The following GPM6A variants were observed in gnomAD, a reference collection of about 807,000 sequenced individuals.
The protein encoded by GPM6A is glycoprotein M6A.
A neutral mutation model predicts 32.1 loss-of-function variants in GPM6A; 7 were observed. The ratio of observed to expected loss-of-function variants is 0.22; its 90% CI spans 0.12 to 0.41. GPM6A has a LOEUF of 0.41. Among genes scored for constraint, GPM6A ranks in the 10% least tolerant of loss-of-function variants. The pLI is 1.00. For synonymous variants in GPM6A, 130 were observed against 123.4 expected (o/e 1.05, Z -0.35); for missense variants, 235 against 347.2 (o/e 0.68, Z 2.57).
chr4:175,932,347 G>T (rs1476769057), intron 1 of GPM6A, among the ~76,000 whole-genome samples: 1 of 152,072 alleles, frequency 6.6e-6, no homozygotes, highest in Non-Finnish European at 1.5e-5. Context: ...CTTCTGCCAG[G>T]CGAGGACTCA....
chr4:175,666,482 TC>T (rs1742760432), intron 3 of GPM6A, among the ~76,000 whole-genome samples: 1 of 152,204 alleles, frequency 6.6e-6, no homozygotes, highest in Non-Finnish European at 1.5e-5. Context: ...TTGAGTTTTT[TC>T]TGAAAATAAT....
At chr4:175,849,728 C>A (rs1269343128) in intron 1 of GPM6A, among the ~76,000 whole-genome samples, 3 of 151,750 alleles carry the variant, frequency 2.0e-5, no homozygotes, top group African/African-American at 7.3e-5. Flanking sequence ...CTGCTTCTTC[C>A]CCAAAGTAAG....
chr4:175,754,232 T>C (rs2111194941), intron 1 of GPM6A, among the ~76,000 whole-genome samples: 1 of 152,256 alleles, frequency 6.6e-6, no homozygotes, highest in Middle Eastern at 3.4e-3. Context: ...TGTGCCTGGC[T>C]GGCTGAATCA....
At chr4:175,799,851 T>C (rs547146414) in intron 1 of GPM6A, among the ~76,000 whole-genome samples, 86 of 151,820 alleles carry the variant, frequency 5.7e-4, no homozygotes, top group Non-Finnish European at 1.1e-3. Context: ...ATTTTTTGTA[T>C]TTTTAGTAGA....
chr4:175,780,706 T>G (rs902727764), intron 1 of GPM6A, among the ~76,000 whole-genome samples: 25 of 152,234 alleles, frequency 1.6e-4, no homozygotes, highest in African/African-American at 5.3e-4. Context: ...AATTAGCCAG[T>G]GTTTTCTGAA....
At chr4:175,767,037 T>C (rs986744380) in intron 1 of GPM6A, among the ~76,000 whole-genome samples, 6 of 152,134 alleles carry the variant, frequency 3.9e-5, no homozygotes, top group African/African-American at 1.4e-4. Flanking sequence ...GTTTCAGCCA[T>C]TGCCTTTCAG....
intron 1 of GPM6A, among the ~76,000 whole-genome samples, chr4:175,752,966 T>C (rs945594114): frequency 4.6e-5 from 7 of 152,168 alleles, no homozygotes; most frequent in African/African-American, 1.7e-4. Flanking sequence ...GTTCTCTAGT[T>C]TTAGGAAGAA....
chr4:175,975,506 C>A (rs1010315669), intron 1 of GPM6A, among the ~76,000 whole-genome samples: 1 of 152,182 alleles, frequency 6.6e-6, no homozygotes, highest in African/African-American at 2.4e-5. Flanking sequence ...ATATGATGGT[C>A]ATTCAATCAA....
chr4:175,846,707 A>C (rs1052157673), intron 1 of GPM6A, among the ~76,000 whole-genome samples: 1 of 152,192 alleles, frequency 6.6e-6, no homozygotes, highest in Non-Finnish European at 1.5e-5. Context: ...TGATTCTGCC[A>C]ATTTTCATAA....
chr4:175,827,153 T>G (rs892028409), intron 1 of GPM6A, among the ~76,000 whole-genome samples: 13 of 152,294 alleles, frequency 8.5e-5, no homozygotes, highest in African/African-American at 2.9e-4. Flanking sequence ...GATGAAAAAT[T>G]TCTTTGAATA....
chr4:175,838,447 CT>C (rs1297019037), intron 1 of GPM6A, among the ~76,000 whole-genome samples: 5 of 150,614 alleles, frequency 3.3e-5, no homozygotes, highest in African/African-American at 9.7e-5. Context: ...AAAGCTGCAA[CT>C]TTTTTTCTGT....
chr4:175,796,950 G>GT (rs990782287), intron 1 of GPM6A, among the ~76,000 whole-genome samples: 16 of 149,346 alleles, frequency 1.1e-4, no homozygotes, highest in South Asian at 2.1e-4. Flanking sequence ...GTCCTGAATT[G>GT]TTTTTTTTTC....
intron 1 of GPM6A, among the ~76,000 whole-genome samples, chr4:175,843,712 T>A (rs531135083): frequency 8.7e-4 from 132 of 152,298 alleles, no homozygotes; most frequent in African/African-American, 2.9e-3. Flanking sequence ...GGTCCCACAT[T>A]TTCATTTTAT....
At chr4:175,777,330 C>T (rs988454400) in intron 1 of GPM6A, among the ~76,000 whole-genome samples, 5 of 151,946 alleles carry the variant, frequency 3.3e-5, no homozygotes, top group Non-Finnish European at 7.4e-5. Flanking sequence ...CTTGGCACAC[C>T]TGTTTATTAT....
At chr4:175,743,968 A>AC (rs1469720919) in intron 1 of GPM6A, among the ~76,000 whole-genome samples, 1 of 151,912 alleles carries the variant, frequency 6.6e-6, no homozygotes, top group African/African-American at 2.4e-5. Context: ...ACAAAAAAAA[A>AC]AAAACAAAAG....
chr4:175,638,086 T>C (rs1255589086), intron 6 of GPM6A, among the ~76,000 whole-genome samples: 1 of 149,874 alleles, frequency 6.7e-6, no homozygotes, highest in Non-Finnish European at 1.5e-5. Flanking sequence ...TCGATTTACT[T>C]TGTCAGCATG....
intron 1 of GPM6A, among the ~76,000 whole-genome samples, chr4:175,868,456 T>C (rs1736806807): frequency 1.3e-5 from 2 of 152,218 alleles, no homozygotes; most frequent in African/African-American, 4.8e-5. Context: ...ATTTATGCAC[T>C]TAATGCTATA....
At chr4:175,640,987 C>T (rs1422921077) in intron 4 of GPM6A, 158 bp from the exon 5 acceptor site, 2 of 604,834 alleles carry the variant, frequency 3.3e-6, no homozygotes, top group African/African-American at 3.7e-5. Context: ...TGGATAATAA[C>T]TATGCATAGA....
intron 1 of GPM6A, among the ~76,000 whole-genome samples, chr4:175,774,904 T>C (rs1376102154): frequency 6.8e-6 from 1 of 146,056 alleles, no homozygotes; most frequent in East Asian, 1.9e-4. Context: ...TGTGTGTCCA[T>C]TCATTGTTTT....
Sources: allele counts gnomAD v4.1 joint callset (sites outside exome capture counted in the v4.1 genomes callset), GRCh38; gene constraint gnomAD v4.1.1; transcripts MANE v1.5; gene names NCBI Gene and HGNC (gene_info 2026-07-23, HGNC 2026-07-21).